FABP4: variants seen among roughly 807,000 people sequenced by gnomAD.
The protein encoded by FABP4 is fatty acid binding protein 4.
FABP4 carries 17 observed loss-of-function variants against 14.6 expected under a neutral mutation model. That is an observed-to-expected ratio of 1.16 (90% CI 0.80 to 1.74). The LOEUF (loss-of-function observed/expected upper bound fraction) is 1.74, where lower values mean the gene tolerates loss of function less well. FABP4 is among the 40% of genes most tolerant of loss of function. The probability of loss-of-function intolerance (pLI) is 0.00; values close to 1 mark genes in which losing one functional copy is unlikely to be tolerated. For synonymous variants in FABP4, 54 were observed against 54.6 expected, an observed-to-expected ratio of 0.99 and a Z score of 0.05; for missense variants, 149 against 160.3, an observed-to-expected ratio of 0.93 and a Z score of 0.38.
chr8:81,479,301 A>G (rs895366597), intron 3 of FABP4, 113 bp downstream of exon 3: 76 of 858,272 alleles, frequency 8.9e-5, no homozygotes, highest in Non-Finnish European at 1.3e-4. Flanking sequence ...TTCCAATAAA[A>G]TCCTCTTTTT....
intron 1 of FABP4, among the ~76,000 whole-genome samples, chr8:81,482,690 C>T (rs1808097947): frequency 6.6e-6 from 1 of 152,118 alleles, no homozygotes; most frequent in Non-Finnish European, 1.5e-5. Flanking sequence ...AACTAGAGTG[C>T]TTTCAGTTTG....
At chr8:81,482,511 C>G (rs1266807274) in intron 1 of FABP4, among the ~76,000 whole-genome samples, 2 of 152,126 alleles carry the variant, frequency 1.3e-5, no homozygotes, top group East Asian at 1.9e-4. Context: ...CTATGGCATA[C>G]TATGTCATTT....
At chr8:81,479,381 A>T (rs929472038) in intron 3 of FABP4, 33 bp downstream of exon 3, 2 of 1,513,278 alleles carry the variant, frequency 1.3e-6, no homozygotes, top group African/African-American at 2.7e-5. Flanking sequence ...CCTAGCAGTA[A>T]GATCCAGAAT....
At chr8:81,479,616 A>T (rs569393117) in intron 2 of FABP4, 101 bp from the exon 3 acceptor site, 2 of 744,514 alleles carry the variant, frequency 2.7e-6, no homozygotes, top group East Asian at 5.1e-5. Context: ...GGTCATTAGT[A>T]ATTCTAAATG....
intron 1 of FABP4, among the ~76,000 whole-genome samples, chr8:81,480,817 C>G (rs73283824): frequency 0.024 from 3,626 of 151,626 alleles, 135 homozygotes; most frequent in African/African-American, 0.082. Flanking sequence ...AACACAACCT[C>G]TGAGAAACAA....
In FABP4 at chr8:81,479,448, A is replaced by C; in HGVS notation, c.314T>G (p.Ile105Arg). ...TTTATCATCCTCTCGTTTTCTCTTT[A>C]TGGTGGTTGATTTTCCATCCCATTT... ...VQKWDGKSTT[I>R]KRKREDDKLV... Residue 105 changes from isoleucine to arginine, a missense_variant, in exon 3 of 4, where the codon ATA (isoleucine) becomes AGA (arginine). By Grantham distance (97) the Ile-to-Arg change is moderately conservative. Coordinates refer to ENST00000256104, the MANE Select transcript of FABP4 (RefSeq NM_001442.3). 6.2e-7 allele frequency: 1 copy of C among 1,613,342 alleles called. No individual in the cohort carries two copies. Among genetic ancestry groups the C allele is most frequent in the Non-Finnish European group, 8.5e-7 (1 of 1,179,472 alleles).
At position 81,479,459 on chromosome 8, in the gene FABP4, T is replaced by C. The variant is rs764657031; in HGVS notation, c.303A>G (p.Lys101=). The C allele has an allele frequency of 1.4e-5, 22 of 1,613,320 alleles. No homozygotes were observed. The highest frequency in any genetic ancestry group is 5.0e-5 in the Admixed American group (3 of 59,936). Residue 101 remains lysine, a synonymous_variant, in exon 3 of 4, where the codon AAA becomes AAG. Transcript: ENST00000256104. ...CTCGTTTTCTCTTTATGGTGGTTGA[T>C]TTTCCATCCCATTTCTGCACATGTA... The part of the protein sequence containing the change: ...VLVHVQKWDG[K]STTIKRKRED...
chr8:81,483,067 C>A, intron 1 of FABP4, 28 bp downstream of exon 1: 1 of 1,544,810 alleles, frequency 6.5e-7, no homozygotes, highest in South Asian at 1.2e-5. Context: ...TATTATAAAT[C>A]CAGTCATTCC....
rs1242446332 is a variant in FABP4, at chr8:81,483,122, T to C, written c.46A>G (p.Asn16Asp). 1.2e-6 allele frequency: 2 copies of C among 1,609,574 alleles called. No homozygotes were observed. Among genetic ancestry groups the C allele is most frequent in the Non-Finnish European group, 1.7e-6 (2 of 1,178,004 alleles). ...VGTWKLVSSENFDDYMKEVGV... is the reference protein window; with the variant it reads ...VGTWKLVSSEDFDDYMKEVGV... Reference sequence around the variant, plus strand: ...ACTTCTTTCATATAATCATCAAAGTTTTCACTGGAGACAAGTTTCCAGGTA... The same window carrying C: ...ACTTCTTTCATATAATCATCAAAGTCTTCACTGGAGACAAGTTTCCAGGTA... Residue 16 changes from asparagine (N) to aspartate (D), a missense_variant, in exon 1 of 4, where the codon AAC (asparagine) becomes GAC (aspartate). Asn to Asp is a conservative substitution (Grantham distance 23, BLOSUM62 1). Transcript: ENST00000256104.
rs749314837 is a variant in FABP4, at chr8:81,479,394, A to G, written c.348+20T>C. The G allele has an allele frequency of 1.1e-5, 18 of 1,574,338 alleles. No individual in the cohort carries two copies. Among genetic ancestry groups the G allele is most frequent in the Non-Finnish European group, 1.6e-5 (18 of 1,144,622 alleles). Reference sequence around the variant, plus strand: ...AACCTAGCAGTAAGATCCAGAATTAAGTAGCTAGAAGATACTCACCACCAC... The same window carrying G: ...AACCTAGCAGTAAGATCCAGAATTAGGTAGCTAGAAGATACTCACCACCAC... On this transcript the variant is annotated intron_variant, in intron 3 of 3. Coordinates refer to ENST00000256104, the MANE Select transcript of FABP4 (RefSeq NM_001442.3).
intron 1 of FABP4, among the ~76,000 whole-genome samples, 170 bp from the exon 2 acceptor site, chr8:81,480,768 T>TA (rs74275141): frequency 0.15 from 19,039 of 130,152 alleles, 1,505 homozygotes; most frequent in African/African-American, 0.23. Context: ...GGCCAATACT[T>TA]AAAAAAAAAA....
In FABP4 at chr8:81,483,039, CTT is replaced by C. The variant is rs1808104570; in HGVS notation, c.73+54_73+55del. 2.1e-6 allele frequency: 3 copies of C among 1,456,648 alleles called. No individual in the cohort carries two copies. In the East Asian group the frequency reaches 7.0e-5, roughly 34 times the overall value. 90.2% of individuals were successfully genotyped at this position (1,456,648 alleles called of 1,614,324 possible). On this transcript the variant is annotated intron_variant, in intron 1 of 3. Transcript: ENST00000256104. ...ATTGCTATAAACACAGCTGTAAACT[CTT>C]TTTCCCAAAAGAAAATATTATAAAT...
intron 2 of FABP4, 29 bp from the exon 3 acceptor site, chr8:81,479,544 T>A (rs1463866665): frequency 6.4e-7 from 1 of 1,564,340 alleles, no homozygotes. Flanking sequence ...GTAATGACAA[T>A]GTGCAGAGGG....
intron 1 of FABP4, among the ~76,000 whole-genome samples, chr8:81,482,863 T>C (rs1181015222): frequency 6.6e-6 from 1 of 152,178 alleles, no homozygotes; most frequent in Non-Finnish European, 1.5e-5. Context: ...AACATTCCAT[T>C]TAGACACCTT....
chr8:81,479,574 A>G, intron 2 of FABP4, 59 bp from the exon 3 acceptor site: 1 of 1,205,964 alleles, frequency 8.3e-7, no homozygotes, highest in Non-Finnish European at 1.2e-6. Flanking sequence ...AAAATTTAAA[A>G]TAGAGTGCCT....
At chr8:81,480,682 G>GATGT (rs1808065339) in intron 1 of FABP4, 84 bp from the exon 2 acceptor site, 1 of 1,234,990 alleles carries the variant, frequency 8.1e-7, no homozygotes, top group Non-Finnish European at 1.1e-6. Flanking sequence ...TGTGCACACA[G>GATGT]GTGCATGTGC....
chr8:81,480,104 G>T (rs1808050456), intron 2 of FABP4: 1 of 205,346 alleles, frequency 4.9e-6, no homozygotes, highest in African/African-American at 2.3e-5. Flanking sequence ...AGCTACTCAG[G>T]AGGCTGAAGT....
chr8:81,478,802 A>G lies in FABP4; in HGVS notation c.*63T>C, dbSNP rs878984077. 3.6e-6 allele frequency: 5 copies of G among 1,399,656 alleles called. No individual in the cohort carries two copies. The highest frequency in any genetic ancestry group is 2.3e-5 in the East Asian group (1 of 43,338). 86.7% of individuals were successfully genotyped at this position (1,399,656 alleles called of 1,614,324 possible). A position where few individuals can be genotyped will look rare whatever the true frequency, so the allele number is the denominator to read the frequency against. On this transcript the variant is annotated 3_prime_UTR_variant, in exon 4 of 4. Transcript: ENST00000256104. ...GAAAACAACAATATCTTTTTGAACA[A>G]TATATCCCACAGAATGTTGTAGAGT... is the stretch of plus-strand genomic sequence containing the variant.
intron 2 of FABP4, 138 bp downstream of exon 2, chr8:81,480,288 C>A: frequency 2.6e-6 from 2 of 763,872 alleles, no homozygotes; most frequent in Non-Finnish European, 4.1e-6. Flanking sequence ...TCTAAGGAAA[C>A]ACAGTTTAGA....
Sources: gnomAD v4.1 joint callset for allele counts (sites outside exome capture counted in the v4.1 genomes callset) on GRCh38, gnomAD v4.1.1 for gene constraint, MANE v1.5 for transcripts, NCBI Gene and HGNC (gene_info 2026-07-23, HGNC 2026-07-21) for gene names.